The following MED17 variants were observed in gnomAD, a reference collection of about 807,000 sequenced individuals.
MED17 encodes mediator complex subunit 17.
MED17 carries 49 observed loss-of-function variants against 80.8 expected under a neutral mutation model. The ratio of observed to expected loss-of-function variants is 0.61; its 90% CI spans 0.48 to 0.77. The LOEUF (loss-of-function observed/expected upper bound fraction) is 0.77. MED17 is among the 30% of genes least tolerant of loss of function. MED17 has a pLI of 0.00. For missense variants in MED17, 718 were observed against 787.0 expected, an observed-to-expected ratio of 0.91 and a Z score of 1.05; for synonymous variants, 281 against 280.4, an observed-to-expected ratio of 1.00 and a Z score of -0.02.
At chr11:93,810,822 T>C (rs1944079453) in intron 11 of MED17, 1 of 152,276 alleles carries the variant, frequency 6.6e-6, no homozygotes, top group Admixed American at 6.5e-5. Flanking sequence ...TGATATCTGC[T>C]CTGACTACTT....
Position 93,801,949 on chromosome 11 carries a change from A to T in MED17, c.1443A>T (p.Ser481=). 6.2e-7 allele frequency: 1 copy of T among 1,612,578 alleles called. No individual in the cohort carries two copies. Residue 481 remains serine, a synonymous_variant, in exon 9 of 12, where the codon TCA becomes TCT. Coordinates refer to ENST00000251871, the MANE Select transcript of MED17 (RefSeq NM_004268.5). ...CTAGTGTGAAAGTTTTAATCACATCACAAGGCTATGAACAAATATGCAAGT... is the reference window on the plus strand; with the variant it reads ...CTAGTGTGAAAGTTTTAATCACATCTCAAGGCTATGAACAAATATGCAAGT... ...YESSVKVLIT[S]QGYEQICKSI...
chr11:93,790,294 G>A (rs916902016), intron 2 of MED17: 5 of 520,942 alleles, frequency 9.6e-6, no homozygotes, highest in African/African-American at 1.9e-5. Flanking sequence ...GAGAGGAATG[G>A]CAGTACATTA....
chr11:93,798,055 G>C (rs901530708), intron 8 of MED17, among the ~76,000 whole-genome samples: 1 of 152,156 alleles, frequency 6.6e-6, no homozygotes, highest in Admixed American at 6.5e-5. Flanking sequence ...GAGGGTTTCT[G>C]TATTTTTTGT....
At position 93,796,620 on chromosome 11, in the gene MED17, C is replaced by T. The variant is rs1943905846; in HGVS notation, c.1143+80C>T. On this transcript the variant is annotated intron_variant, in intron 7 of 11. Coordinates refer to ENST00000251871, the MANE Select transcript of MED17 (RefSeq NM_004268.5). ...GTATGCACAAAGCTCCTCTCGTCTG[C>T]TGAGTCTTGATTATTCACATAGCAA... 12 of 1,499,514 alleles carry T rather than the reference C, an allele frequency of 8.0e-6. No homozygotes were observed. In the South Asian group the frequency reaches 1.4e-4, roughly 17 times the overall value. The allele number at this position is 1,499,514 out of a possible 1,614,324, so 92.9% of individuals were successfully genotyped here.
intron 5 of MED17, chr11:93,794,395 G>T: frequency 3.7e-6 from 1 of 270,386 alleles, no homozygotes; most frequent in Non-Finnish European, 7.1e-6. Context: ...GTAGAGATGG[G>T]GTTTCTCCAT....
chr11:93,786,540 C>G (rs545693995), intron 1 of MED17, among the ~76,000 whole-genome samples: 1 of 151,448 alleles, frequency 6.6e-6, no homozygotes, highest in African/African-American at 2.4e-5. Flanking sequence ...AATCTCGGCT[C>G]ACTGCAACCC....
Position 93,811,847 on chromosome 11 carries a change from C to G in MED17, c.1745-6C>G, listed in dbSNP as rs889073704. ...AGTGTATTGATATTTTGGTTTTTCT[C>G]CACAGTTCGTAATGGACCTGAAAGT... On this transcript the variant is annotated splice_polypyrimidine_tract_variant and splice_region_variant and intron_variant, in intron 11 of 11. Transcript: ENST00000251871. 1 of 1,613,818 alleles carries G rather than the reference C, an allele frequency of 6.2e-7. No individual in the cohort carries two copies. The highest frequency in any genetic ancestry group is 8.5e-7 in the Non-Finnish European group (1 of 1,179,902).
At chr11:93,805,975 CTTTTTTT>C (rs71064787) in intron 9 of MED17, 9 of 65,588 alleles carry the variant, frequency 1.4e-4, no homozygotes, top group African/African-American at 3.7e-4. Context: ...GACCCTGTCT[CTTTTTTT>C]TTTTTTTTTT....
chr11:93,802,906 T>C (rs558802238), intron 9 of MED17, among the ~76,000 whole-genome samples: 1 of 152,386 alleles, frequency 6.6e-6, no homozygotes, highest in African/African-American at 2.4e-5. Flanking sequence ...TAAGGACTTT[T>C]TGGCCTACCT....
At chr11:93,796,252 A>G in intron 6 of MED17, 158 bp from the exon 7 acceptor site, 2 of 770,798 alleles carry the variant, frequency 2.6e-6, no homozygotes, top group South Asian at 1.6e-5. Flanking sequence ...CACCCGGCCA[A>G]ATAGTAATCT....
intron 9 of MED17, among the ~76,000 whole-genome samples, chr11:93,802,967 A>G (rs1487718837): frequency 6.6e-6 from 1 of 152,170 alleles, no homozygotes; most frequent in African/African-American, 2.4e-5. Context: ...GTCTGTGACT[A>G]CATTTTATTT....
At chr11:93,793,054 T>G (rs1002775533) in intron 3 of MED17, 1 of 149,904 alleles carries the variant, frequency 6.7e-6, no homozygotes, top group Non-Finnish European at 1.5e-5. Flanking sequence ...GAAACCTTAG[T>G]AGAGAGGCTA....
chr11:93,799,744 C>T (rs1456675266), intron 8 of MED17, among the ~76,000 whole-genome samples: 1 of 152,218 alleles, frequency 6.6e-6, no homozygotes, highest in Non-Finnish European at 1.5e-5. Flanking sequence ...CCCCGCTACA[C>T]TCCAGTTGGG....
At chr11:93,796,586 G>T in intron 7 of MED17, 46 bp downstream of exon 7, 1 of 1,608,662 alleles carries the variant, frequency 6.2e-7, no homozygotes, top group Non-Finnish European at 8.5e-7. Context: ...AGTATGTCCA[G>T]GGCAGTGAGT....
chr11:93,806,608 G>A (rs1944028050), intron 9 of MED17: 1 of 152,304 alleles, frequency 6.6e-6, no homozygotes, highest in African/African-American at 2.4e-5. Flanking sequence ...AAGGTAAAGA[G>A]TTAACAAAAC....
Position 93,790,657 on chromosome 11 carries a change from G to A in MED17, c.501G>A (p.Leu167=), listed in dbSNP as rs2135711211. ...AQILLKGAER[L]TKSVTENQEN... ...TCTTATTGAAGGGGGCAGAAAGACTGACTAAATCAGTTACCGAAAACCAAG... is the reference window on the plus strand; with the variant it reads ...TCTTATTGAAGGGGGCAGAAAGACTAACTAAATCAGTTACCGAAAACCAAG... Residue 167 remains leucine (L), a synonymous_variant, in exon 3 of 12, where the codon CTG becomes CTA. Transcript: ENST00000251871. 6.2e-7 allele frequency: 1 copy of A among 1,614,198 alleles called. No homozygotes were observed. The highest frequency in any genetic ancestry group is 1.3e-5 in the African/African-American group (1 of 75,042).
At chr11:93,787,589 T>C (rs1943783887) in intron 1 of MED17, among the ~76,000 whole-genome samples, 1 of 152,328 alleles carries the variant, frequency 6.6e-6, no homozygotes, top group East Asian at 1.9e-4. Context: ...AATACTTTTT[T>C]TAATGGTTAA....
chr11:93,791,169 A>G (rs531555781), intron 3 of MED17, among the ~76,000 whole-genome samples: 1 of 152,364 alleles, frequency 6.6e-6, no homozygotes, highest in South Asian at 2.1e-4. Context: ...TCTATAATGT[A>G]TTATTTCTCA....
rs1380582401 is a variant in MED17 at position 93,794,123 on chromosome 11, T to C, written c.859+88T>C. The C allele has an allele frequency of 5.1e-6, 5 of 986,066 alleles. No individual in the cohort carries two copies. The Admixed American group carries it at 7.4e-5, about 15-fold the overall frequency. 61.1% of individuals were successfully genotyped at this position (986,066 alleles called of 1,614,324 possible). A position where few individuals can be genotyped will look rare whatever the true frequency, so the allele number is the denominator to read the frequency against. ...GAAGATAAATATAGGTAGGAAAAAA[T>C]AGATAGTTTGAAGTAAGAACAATTC... On this transcript the variant is annotated intron_variant, in intron 5 of 11. Transcript: ENST00000251871.
Sources: gnomAD v4.1 joint callset for allele counts (sites outside exome capture counted in the v4.1 genomes callset) on GRCh38, gnomAD v4.1.1 for gene constraint, MANE v1.5 for transcripts, NCBI Gene and HGNC (gene_info 2026-07-23, HGNC 2026-07-21) for gene names.